Variants in CEP350 observed in about 807,000 individuals in gnomAD.
CEP350 encodes centrosomal protein 350, also known as centrosome-associated protein 350.
In CEP350, 126 loss-of-function variants were observed where a neutral mutation model predicts 331.8. That is an observed-to-expected ratio of 0.38 (90% CI 0.33 to 0.44). The LOEUF (loss-of-function observed/expected upper bound fraction) is 0.44, where lower values mean the gene tolerates loss of function less well. CEP350 is among the 20% of genes least tolerant of loss of function. The pLI, the probability that CEP350 is intolerant of heterozygous loss-of-function variation, is 1.00. For missense variants in CEP350, 3,406 were observed against 3,634.6 expected (o/e 0.94, Z 1.62); for synonymous variants, 1,200 against 1,259.5 (o/e 0.95, Z 1.00).
At chr1:180,008,943 C>T (rs1045124687) in intron 8 of CEP350, among the ~76,000 whole-genome samples, 9 of 152,122 alleles carry the variant, frequency 5.9e-5, no homozygotes, top group South Asian at 2.1e-4. Context: ...AATAGAGTGA[C>T]ACTTGCTATA....
At chr1:180,082,678 C>G (rs1231582699) in intron 30 of CEP350, among the ~76,000 whole-genome samples, 1 of 152,072 alleles carries the variant, frequency 6.6e-6, no homozygotes, top group Non-Finnish European at 1.5e-5. Context: ...TCTAAAAACC[C>G]CAGGTTTTTC....
intron 22 of CEP350, among the ~76,000 whole-genome samples, chr1:180,051,214 T>G (rs567948883): frequency 6.6e-6 from 1 of 152,230 alleles, no homozygotes; most frequent in East Asian, 1.9e-4. Flanking sequence ...GAATAATCTT[T>G]TGATTCATGT....
At chr1:180,040,261 A>C (rs1227626205) in intron 17 of CEP350, among the ~76,000 whole-genome samples, 1 of 152,084 alleles carries the variant, frequency 6.6e-6, no homozygotes, top group African/African-American at 2.4e-5. Context: ...AACTTTGTTG[A>C]TAGTCATTTT....
Position 180,111,285 on chromosome 1 carries a change from AC to A in CEP350, c.*126del. ...GACCTTGTACTTATTCTTAAAGACT[AC>A]CAGTATGGAGTTCATAGGACAATGT... On this transcript the variant is annotated 3_prime_UTR_variant, in exon 38 of 38. Transcript: ENST00000367607. The A allele has an allele frequency of 8.6e-7, 1 of 1,162,212 alleles. No homozygotes were observed. Among genetic ancestry groups the A allele is most frequent in the Non-Finnish European group, 1.2e-6 (1 of 830,100 alleles). 72.0% of individuals were successfully genotyped at this position (1,162,212 alleles called of 1,614,324 possible).
At chr1:180,070,159 G>A (rs1658795772) in intron 27 of CEP350, among the ~76,000 whole-genome samples, 1 of 152,118 alleles carries the variant, frequency 6.6e-6, no homozygotes, top group South Asian at 2.1e-4. Flanking sequence ...GTATTCCAAT[G>A]GAGAAACAAA....
At chr1:180,044,215 T>C (rs1482244735) in intron 21 of CEP350, 42 bp downstream of exon 21, 2 of 1,487,662 alleles carry the variant, frequency 1.3e-6, no homozygotes, top group Non-Finnish European at 1.8e-6. Flanking sequence ...GTTTAGTAGA[T>C]TGTGATAAAT....
chr1:179,983,878 A>G (rs1479576074), intron 1 of CEP350, among the ~76,000 whole-genome samples: 2 of 152,206 alleles, frequency 1.3e-5, no homozygotes, highest in Non-Finnish European at 2.9e-5. Context: ...TAATTCACCA[A>G]TGAAGCACTA....
At chr1:180,062,588 C>G (rs1028331789) in intron 26 of CEP350, among the ~76,000 whole-genome samples, 1 of 152,072 alleles carries the variant, frequency 6.6e-6, no homozygotes, top group Non-Finnish European at 1.5e-5. Flanking sequence ...CTTAACAGTT[C>G]TGGAAGGTGA....
At position 180,022,700 on chromosome 1, in the gene CEP350, T is replaced by C. The variant is rs767276792; in HGVS notation, c.3238T>C (p.Phe1080Leu). The C allele has an allele frequency of 6.2e-7, 1 of 1,610,456 alleles. No homozygotes were observed. Residue 1080 changes from phenylalanine (F) to leucine (L), a missense_variant and splice_region_variant, in exon 13 of 38, where the codon TTT (phenylalanine) becomes CTT (leucine). Around this residue, in one of 5 missense-constraint regions of CEP350, gnomAD observed 1,857 missense variants for 1,909.2 expected, o/e 0.97. Transcript: ENST00000367607. ...TKSYQLYGKGFEDKLDRGTST... is the reference protein window; with the variant it reads ...TKSYQLYGKGLEDKLDRGTST... ...GTTTCAATTATTACTTTTGTCAGGG[T>C]TTGAAGACAAGTTGGACAGAGGAAC...
intron 4 of CEP350, among the ~76,000 whole-genome samples, chr1:179,991,707 G>GTGTGTATATATA (rs1385981536): frequency 3.2e-4 from 31 of 96,962 alleles, no homozygotes; most frequent in Admixed American, 3.8e-4. Context: ...GTGTGTGTGT[G>GTGTGTATATATA]TATATATATA....
intron 25 of CEP350, among the ~76,000 whole-genome samples, chr1:180,060,835 A>G (rs1477574449): frequency 6.6e-6 from 1 of 152,148 alleles, no homozygotes; most frequent in Non-Finnish European, 1.5e-5. Context: ...TAAACATACA[A>G]ACCAAATAGT....
Position 180,093,665 on chromosome 1 carries a change from T to C in CEP350, c.7560T>C (p.Ser2520=). ...TTCTTCGATTCAAAGGTGAGACTAG[T>C]TTTGCTAAAGGATTTTGGGCCGGAG... ...PGILRFKGET[S]FAKGFWAGVE... The change falls in exon 34 of 38, where the codon AGT becomes AGC. Residue 2520 remains serine, a synonymous_variant. Coordinates refer to ENST00000367607, the MANE Select transcript of CEP350 (RefSeq NM_014810.5). 1.2e-6 allele frequency: 2 copies of C among 1,613,962 alleles called. No individual in the cohort carries two copies. Among genetic ancestry groups the C allele is most frequent in the Non-Finnish European group, 1.7e-6 (2 of 1,179,860 alleles).
intron 27 of CEP350, among the ~76,000 whole-genome samples, chr1:180,070,580 A>G (rs746900514): frequency 6.6e-6 from 1 of 152,186 alleles, no homozygotes; most frequent in Non-Finnish European, 1.5e-5. Context: ...AGTTTATGTA[A>G]CTTTCCTCAG....
intron 6 of CEP350, among the ~76,000 whole-genome samples, chr1:179,999,312 T>C (rs547668592): frequency 3.9e-4 from 59 of 152,148 alleles, no homozygotes; most frequent in Non-Finnish European, 7.4e-4. Context: ...TTTCTTTGAG[T>C]TGATGACTGG....
rs993375951 is a variant in CEP350, at chr1:179,979,220, C to T, written c.-13-6949C>T. ...AAGAGTTCCTTTTTCTGTATATCCT[C>T]GCTAGCATTTGTTGTTGTCTTTTTG... On this transcript the variant is annotated intron_variant, in intron 1 of 37. Coordinates refer to ENST00000367607, the MANE Select transcript of CEP350 (RefSeq NM_014810.5). 2.8e-4 allele frequency among the ~76,000 whole-genome samples: 42 copies of T among 152,084 alleles called. 1 individual carries two copies. The highest frequency in any genetic ancestry group is 2.1e-3 in the Admixed American group (32 of 15,260).
In CEP350 at chr1:180,041,822, C is replaced by T. The variant is rs972506418; in HGVS notation, c.4362+20C>T. On this transcript the variant is annotated intron_variant, in intron 19 of 37. Coordinates refer to ENST00000367607, the MANE Select transcript of CEP350 (RefSeq NM_014810.5). ...TGTGAGGTAGGTGCCACTGAGAACA[C>T]TTCTCTTTTTACTTCTTTTTAGTCA... is the stretch of plus-strand genomic sequence containing the variant. The T allele has an allele frequency of 1.5e-5, 24 of 1,600,808 alleles. No individual in the cohort carries two copies. The highest frequency in any genetic ancestry group is 1.9e-5 in the Non-Finnish European group (22 of 1,173,568).
chr1:180,068,507 G>A (rs1658678978), intron 27 of CEP350, among the ~76,000 whole-genome samples: 1 of 152,008 alleles, frequency 6.6e-6, no homozygotes, highest in Non-Finnish European at 1.5e-5. Flanking sequence ...TACTGTGAGG[G>A]ATATTATTTA....
chr1:180,036,061 T>C (rs1656335546), intron 16 of CEP350, among the ~76,000 whole-genome samples: 1 of 152,188 alleles, frequency 6.6e-6, no homozygotes, highest in African/African-American at 2.4e-5. Context: ...CCAGCCCTCG[T>C]GGATGACTTT....
At chr1:180,085,034 T>TCCTCTTTCCTCTTCCTTC (rs1003191390) in intron 31 of CEP350, among the ~76,000 whole-genome samples, 1 of 150,440 alleles carries the variant, frequency 6.6e-6, no homozygotes, top group Non-Finnish European at 1.5e-5. Flanking sequence ...CTTCCCCCTT[T>TCCTCTTTCCTCTTCCTTC]CCTCTTTCCT....
Sources: allele counts gnomAD v4.1 joint callset (sites outside exome capture counted in the v4.1 genomes callset), GRCh38; gene constraint gnomAD v4.1.1; regional missense constraint gnomAD v4.1.1; transcripts MANE v1.5; gene names NCBI Gene and HGNC (gene_info 2026-07-23, HGNC 2026-07-21).